Variants in RBFOX3 observed in about 807,000 individuals in gnomAD.
RBFOX3 encodes the protein RNA binding protein fox-1 homolog 3.
A neutral mutation model predicts 48.7 loss-of-function variants in RBFOX3; 17 were observed. The observed-to-expected ratio is 0.35, with a 90% CI of 0.24 to 0.52. The LOEUF is 0.52. RBFOX3 is among the 20% of genes least tolerant of loss of function. The pLI, the probability that RBFOX3 is intolerant of heterozygous loss-of-function variation, is 0.94. For synonymous variants in RBFOX3, 212 were observed against 209.5 expected, an observed-to-expected ratio of 1.01 and a Z score of -0.10; for missense variants, 382 against 497.5, an observed-to-expected ratio of 0.77 and a Z score of 2.21.
At chr17:79,452,925 G>A (rs35414453) in intron 2 of RBFOX3, among the ~76,000 whole-genome samples, 2,693 of 152,296 alleles carry the variant, frequency 0.018, 36 homozygotes, top group African/African-American at 0.034. Context: ...TCCCGCTCAC[G>A]GCCCCCCGGC....
chr17:79,336,872 C>T (rs566488214), intron 2 of RBFOX3, among the ~76,000 whole-genome samples: 1 of 152,214 alleles, frequency 6.6e-6, no homozygotes, highest in Non-Finnish European at 1.5e-5. Flanking sequence ...GTAATCCCAG[C>T]ACTTCGGGAG....
At chr17:79,107,666 G>A (rs1441367492) in intron 5 of RBFOX3, among the ~76,000 whole-genome samples, 7 of 152,374 alleles carry the variant, frequency 4.6e-5, no homozygotes, top group Admixed American at 1.3e-4. Context: ...AGCATCGGCC[G>A]GGTGGATGCA....
chr17:79,311,661 G>A lies in RBFOX3; in HGVS notation c.-174-3837C>T, dbSNP rs2076877856. ...GTTTACCTGGAGAACTCTGAGTCAG[G>A]CCCTCTGGGGTCTCTCGCAGGTTGG... On this transcript the variant is annotated intron_variant, in intron 2 of 14. Transcript: ENST00000693108. The surrounding 1 kb of genome is among the most constrained non-coding windows in gnomAD (Gnocchi z 4.2). Among the ~76,000 whole-genome samples the A allele has an allele frequency of 6.6e-6, 1 of 152,142 alleles. No homozygotes were observed. Among genetic ancestry groups the A allele is most frequent in the Non-Finnish European group, 1.5e-5 (1 of 68,026 alleles).
chr17:79,342,481 A>T (rs1598326254), intron 2 of RBFOX3, among the ~76,000 whole-genome samples: 2 of 152,200 alleles, frequency 1.3e-5, no homozygotes, highest in South Asian at 4.1e-4. Flanking sequence ...TGAGGTGAGC[A>T]CCTCGGGCCT....
intron 1 of RBFOX3, among the ~76,000 whole-genome samples, chr17:79,503,782 C>G (rs2082690862): frequency 6.6e-6 from 1 of 152,174 alleles, no homozygotes; most frequent in Admixed American, 6.5e-5. Flanking sequence ...GCCCGGCTCT[C>G]CTACACAGGC....
chr17:79,538,347 A>G (rs547865605), intron 1 of RBFOX3, among the ~76,000 whole-genome samples: 1 of 152,360 alleles, frequency 6.6e-6, no homozygotes. Context: ...TGATCTGGCT[A>G]CAGTGGAGAG....
At chr17:79,655,090 C>T in the RBFOX3 span, among the ~76,000 whole-genome samples, 2 of 152,164 alleles carry the variant, frequency 1.3e-5, no homozygotes, top group Non-Finnish European at 2.9e-5. Flanking sequence ...ATGAACACAC[C>T]GGGCCGTGAG....
At chr17:79,323,817 G>A (rs999847843) in intron 2 of RBFOX3, among the ~76,000 whole-genome samples, 2 of 152,376 alleles carry the variant, frequency 1.3e-5, no homozygotes, top group Non-Finnish European at 2.9e-5. Context: ...CGCAGTGAGG[G>A]TTCATTACCA....
At chr17:79,655,889 G>C in the RBFOX3 span, among the ~76,000 whole-genome samples, 1 of 152,050 alleles carries the variant, frequency 6.6e-6, no homozygotes, top group African/African-American at 2.4e-5. Context: ...CCTTCCCACT[G>C]CCCGACCCGC....
chr17:79,545,634 AC>A (rs1274760267), intron 1 of RBFOX3, among the ~76,000 whole-genome samples: 6 of 152,098 alleles, frequency 3.9e-5, no homozygotes, highest in African/African-American at 1.2e-4. Flanking sequence ...TTCCAAGAAA[AC>A]AAGAGGGGAG....
the RBFOX3 span, among the ~76,000 whole-genome samples, chr17:79,656,654 A>G: frequency 2.9e-4 from 39 of 132,364 alleles, no homozygotes; most frequent in African/African-American, 1.3e-3. Context: ...GAAGAAAGAA[A>G]GGAAGAGAAG....
At chr17:79,405,458 C>G (rs974332250) in intron 2 of RBFOX3, among the ~76,000 whole-genome samples, 1 of 151,662 alleles carries the variant, frequency 6.6e-6, no homozygotes, top group African/African-American at 2.4e-5. Flanking sequence ...ATGCATGAGT[C>G]TGGGCCAGGC....
chr17:79,549,581 C>T (rs1184922739), intron 1 of RBFOX3, among the ~76,000 whole-genome samples: 1 of 152,246 alleles, frequency 6.6e-6, no homozygotes, highest in Non-Finnish European at 1.5e-5. Flanking sequence ...ATTCCAGCCT[C>T]CCACCCAAAG....
chr17:79,308,733 TC>T (rs918647438), intron 2 of RBFOX3, among the ~76,000 whole-genome samples: 1 of 151,640 alleles, frequency 6.6e-6, no homozygotes, highest in Admixed American at 6.6e-5. Context: ...CTCCTCTCTC[TC>T]CACCCACCCA....
At chr17:79,131,300 C>T (rs1332871896) in intron 4 of RBFOX3, among the ~76,000 whole-genome samples, 3 of 152,220 alleles carry the variant, frequency 2.0e-5, no homozygotes, top group Non-Finnish European at 4.4e-5. Flanking sequence ...TTCCATGTGC[C>T]CTCCGTGTGC....
intron 2 of RBFOX3, among the ~76,000 whole-genome samples, chr17:79,375,535 C>A (rs145062397): frequency 6.6e-6 from 1 of 152,134 alleles, no homozygotes; most frequent in East Asian, 1.9e-4. Context: ...GAGGGAGCAG[C>A]GTTCTGGGAG....
At chr17:79,460,290 G>A (rs1458681848) in intron 2 of RBFOX3, among the ~76,000 whole-genome samples, 2 of 151,660 alleles carry the variant, frequency 1.3e-5, no homozygotes, top group African/African-American at 4.9e-5. Flanking sequence ...AAAAAAAATG[G>A]GCCCCTCTCT....
chr17:79,476,955 A>G (rs1260707338), intron 2 of RBFOX3, among the ~76,000 whole-genome samples: 1 of 151,870 alleles, frequency 6.6e-6, no homozygotes, highest in Non-Finnish European at 1.5e-5. Flanking sequence ...GAAAAGGAGG[A>G]GGAGGAAGGT....
intron 1 of RBFOX3, among the ~76,000 whole-genome samples, chr17:79,543,118 G>A (rs1338882790): frequency 2.0e-5 from 3 of 152,104 alleles, no homozygotes; most frequent in African/African-American, 7.2e-5. Flanking sequence ...CCGGCATACG[G>A]CAGCTGAACG....
Sources: gnomAD v4.1 joint callset for allele counts (sites outside exome capture counted in the v4.1 genomes callset) on GRCh38, gnomAD v4.1.1 for gene constraint, Gnocchi (gnomAD v3.1) non-coding constraint, MANE v1.5 for transcripts, NCBI Gene and HGNC (gene_info 2026-07-23, HGNC 2026-07-21) for gene names.